Variants in DGLUCY observed in about 807,000 individuals in gnomAD.
The protein encoded by DGLUCY is D-glutamate cyclase, mitochondrial.
A neutral mutation model predicts 58.5 loss-of-function variants in DGLUCY; 58 were observed. The ratio of observed to expected loss-of-function variants is 0.99; its 90% confidence interval spans 0.80 to 1.23. The LOEUF is 1.23. DGLUCY is among the 50% of genes most tolerant of loss of function. DGLUCY has a pLI of 0.00. For synonymous variants in DGLUCY, 325 were observed against 314.1 expected (o/e 1.03, Z -0.37); for missense variants, 779 against 784.7 (o/e 0.99, Z 0.09).
intron 10 of DGLUCY, among the ~76,000 whole-genome samples, chr14:91,198,509 G>T (rs2050357583): frequency 6.6e-6 from 1 of 150,612 alleles, no homozygotes; most frequent in African/African-American, 2.4e-5. Context: ...ACCACACCTG[G>T]CTAATTTCTG....
At chr14:91,162,990 G>A (rs1197803805) in intron 3 of DGLUCY, among the ~76,000 whole-genome samples, 6 of 152,240 alleles carry the variant, frequency 3.9e-5, no homozygotes, top group South Asian at 4.2e-4. Flanking sequence ...GGGCATGACG[G>A]CTCACACCTG....
rs1353074437 is a variant in DGLUCY, at chr14:91,170,158, C to A, written c.413C>A (p.Pro138His). 6.2e-7 allele frequency: 1 copy of A among 1,613,554 alleles called. No individual in the cohort carries two copies. The highest frequency in any genetic ancestry group is 8.5e-7 in the Non-Finnish European group (1 of 1,180,030). ...LEEALEKAGL[P>H]RRDPAGHSQA... ...GAGGCCTTGGAGAAAGCGGGGCTCC[C>A]CAGAAGAGACCCAGCAGGTCACAGC... Residue 138 changes from proline (P) to histidine (H), a missense_variant, in exon 5 of 14, where the codon CCC becomes CAC. Physicochemically the swap from Pro to His is moderately conservative, Grantham distance 77. Coordinates refer to ENST00000256324, the MANE Select transcript of DGLUCY (RefSeq NM_001102368.3).
At chr14:91,111,025 T>C (rs1027335282), upstream of DGLUCY, among the ~76,000 whole-genome samples, 9 of 152,112 alleles carry the variant, frequency 5.9e-5, no homozygotes, top group Non-Finnish European at 1.0e-4. Context: ...CTGATTTCAG[T>C]TGGCTTAACG....
intron 1 of DGLUCY, among the ~76,000 whole-genome samples, chr14:91,084,976 C>T (rs2044188114): frequency 1.3e-5 from 2 of 152,130 alleles, no homozygotes; most frequent in Non-Finnish European, 2.9e-5. Context: ...TAATCCCACA[C>T]TTTGGAAGGG....
At chr14:91,063,382 C>G (rs1052624343) in intron 1 of DGLUCY, among the ~76,000 whole-genome samples, 2 of 151,968 alleles carry the variant, frequency 1.3e-5, no homozygotes, top group Non-Finnish European at 2.9e-5. Flanking sequence ...AAACTCCTTG[C>G]ATAATCACTC....
At chr14:91,135,689 G>A (rs112249005) in intron 1 of DGLUCY, among the ~76,000 whole-genome samples, 19,079 of 143,460 alleles carry the variant, frequency 0.13, 1,636 homozygotes, top group Non-Finnish European at 0.2. Context: ...TATGGTATAG[G>A]CTTTTGCTGT....
At chr14:91,065,544 C>G (rs1173518472) in intron 1 of DGLUCY, among the ~76,000 whole-genome samples, 2 of 152,124 alleles carry the variant, frequency 1.3e-5, no homozygotes, top group South Asian at 2.1e-4. Flanking sequence ...ACTCCTACCC[C>G]TAAAGAATGT....
Position 91,184,577 on chromosome 14 carries a change from T to TGGG in DGLUCY, c.934+3196_934+3198dup, listed in dbSNP as rs1217191950. ...AAAGAAAGAAAGAAAGAAAGAAAGT[T>TGGG]GGGGGGGGGGAGGGAGGGAGGGAGG... On this transcript the variant is annotated intron_variant, in intron 8 of 13. Coordinates refer to ENST00000256324, the MANE Select transcript of DGLUCY (RefSeq NM_001102368.3). Among the ~76,000 whole-genome samples, 132 of 23,270 alleles carry TGGG rather than the reference T, an allele frequency of 5.7e-3. 1 individual carries two copies. Among genetic ancestry groups the TGGG allele is most frequent in the African/African-American group, 0.02 (116 of 5,890 alleles). 15.3% of individuals were successfully genotyped at this position (23,270 alleles called of 152,430 possible). A position where few individuals can be genotyped will look rare whatever the true frequency, so the allele number is the denominator to read the frequency against.
chr14:91,208,245 A>G (rs76817744), intron 12 of DGLUCY, among the ~76,000 whole-genome samples: 2,003 of 152,354 alleles, frequency 0.013, 44 homozygotes, highest in African/African-American at 0.046. Context: ...AAGGAAAATT[A>G]TATCTGTCAG....
intron 12 of DGLUCY, among the ~76,000 whole-genome samples, chr14:91,211,109 C>T (rs1885617892): frequency 6.6e-6 from 1 of 151,930 alleles, no homozygotes; most frequent in South Asian, 2.1e-4. Context: ...CATTAATTCC[C>T]TAAAATGAAA....
At chr14:91,210,177 G>A (rs1885444431) in intron 12 of DGLUCY, among the ~76,000 whole-genome samples, 1 of 152,142 alleles carries the variant, frequency 6.6e-6, no homozygotes, top group Non-Finnish European at 1.5e-5. Context: ...GGCTGAGGTG[G>A]GAGGATCACT....
intron 10 of DGLUCY, among the ~76,000 whole-genome samples, chr14:91,198,343 C>CT (rs11341539): frequency 3.4e-4 from 50 of 145,108 alleles, no homozygotes; most frequent in Admixed American, 4.8e-4. Context: ...TGTGCCCAGC[C>CT]TTTTTTTTTT....
chr14:91,137,026 G>A (rs2046380356), intron 1 of DGLUCY, among the ~76,000 whole-genome samples: 1 of 152,046 alleles, frequency 6.6e-6, no homozygotes, highest in East Asian at 1.9e-4. Flanking sequence ...TTATGCTTAG[G>A]TTCGCTGAAA....
At chr14:91,125,081 G>C (rs1268426864) in intron 1 of DGLUCY, among the ~76,000 whole-genome samples, 1 of 152,154 alleles carries the variant, frequency 6.6e-6, no homozygotes, top group Admixed American at 6.6e-5. Flanking sequence ...ACAAATACAG[G>C]ATCTGAGGTC....
chr14:91,181,999 G>T (rs2049208138), intron 8 of DGLUCY, among the ~76,000 whole-genome samples: 1 of 132,024 alleles, frequency 7.6e-6, no homozygotes, highest in African/African-American at 3.2e-5. Flanking sequence ...ATTTATTTTT[G>T]AGATGGAGTC....
intron 11 of DGLUCY, among the ~76,000 whole-genome samples, chr14:91,201,368 G>A (rs1435007114): frequency 3.3e-5 from 5 of 151,040 alleles, no homozygotes; most frequent in Admixed American, 2.6e-4. Context: ...GCGCAATCTC[G>A]GCTCACTGCA....
chr14:91,200,584 AT>A (rs879745115), intron 11 of DGLUCY, among the ~76,000 whole-genome samples: 39 of 150,132 alleles, frequency 2.6e-4, no homozygotes, highest in Non-Finnish European at 4.3e-4. Flanking sequence ...TAATATTTCA[AT>A]TTTTTTTTTG....
intron 1 of DGLUCY, among the ~76,000 whole-genome samples, chr14:91,118,088 CT>C (rs1345633028): frequency 2.1e-4 from 13 of 60,546 alleles, no homozygotes; most frequent in South Asian, 6.6e-4. Context: ...CCCCCCCCCC[CT>C]TTTTTTTTTT....
intron 1 of DGLUCY, among the ~76,000 whole-genome samples, chr14:91,135,669 A>AAG (rs1363310584): frequency 6.6e-6 from 1 of 150,876 alleles, no homozygotes; most frequent in Admixed American, 6.6e-5. Context: ...AAAAAAAAAA[A>AAG]AAAAACAAGT....
Sources: allele counts gnomAD v4.1 joint callset (sites outside exome capture counted in the v4.1 genomes callset), GRCh38; gene constraint gnomAD v4.1.1; transcripts MANE v1.5; gene names NCBI Gene and HGNC (gene_info 2026-07-23, HGNC 2026-07-21).